Variants in HDAC8 observed in about 807,000 individuals in gnomAD.
The protein encoded by HDAC8 is histone deacetylase-like 1.
A neutral mutation model predicts 32.2 loss-of-function variants in HDAC8; 1 was observed. That is an observed-to-expected ratio of 0.03 (90% confidence interval 0.01 to 0.15). HDAC8 has a LOEUF of 0.15. HDAC8 is among the 10% of genes least tolerant of loss of function. The pLI is 1.00. For missense variants in HDAC8, 117 were observed against 300.0 expected (o/e 0.39, Z 4.51); for synonymous variants, 108 against 113.9 (o/e 0.95, Z 0.33).
intron 9 of HDAC8, among the ~76,000 whole-genome samples, chrX:72,393,471 T>C (rs1365796745): frequency 2.7e-5 from 3 of 112,226 alleles, no homozygotes; most frequent in African/African-American, 9.7e-5. Flanking sequence ...TCATTTTCTT[T>C]CATTCCACAT....
intron 9 of HDAC8, among the ~76,000 whole-genome samples, chrX:72,432,755 C>T (rs2046853404): frequency 9.0e-6 from 1 of 110,752 alleles, no homozygotes; most frequent in Non-Finnish European, 1.9e-5. Context: ...TTTTTTAGTG[C>T]ACCTTTCTTA....
At chrX:72,362,162 G>T (rs2147773588) in intron 9 of HDAC8, among the ~76,000 whole-genome samples, 1 of 111,291 alleles carries the variant, frequency 9.0e-6, no homozygotes, top group African/African-American at 3.3e-5. Flanking sequence ...GATGTGTTTG[G>T]GTCATGGGTG....
intron 9 of HDAC8, among the ~76,000 whole-genome samples, chrX:72,434,206 T>C (rs782214140): frequency 6.3e-5 from 7 of 111,928 alleles, no homozygotes; most frequent in African/African-American, 2.3e-4. Context: ...CCTGGGCAAG[T>C]TACTTTCTGA....
chrX:72,340,783 A>G (rs1417800880), intron 10 of HDAC8, among the ~76,000 whole-genome samples: 1 of 111,731 alleles, frequency 9.0e-6, no homozygotes, highest in Non-Finnish European at 1.9e-5. Context: ...CTCCTTCTGC[A>G]CACCCTGGTT....
rs1569316285 is a variant in HDAC8, at chrX:72,462,277, C to G, written c.911-179G>C. 3 of 418,661 alleles carry G rather than the reference C, an allele frequency of 7.2e-6. No homozygotes were observed. In the South Asian group the frequency reaches 1.1e-4, roughly 15 times the overall value. The allele number at this position is 418,661 out of a possible 1,213,427, so 34.5% of individuals were successfully genotyped here. ...CACCTAGTAGGCAGACTTTGGTGGACCAGTCAAATCATGCACAGTGTAAAA... is the reference window on the plus strand; with the variant it reads ...CACCTAGTAGGCAGACTTTGGTGGAGCAGTCAAATCATGCACAGTGTAAAA... On this transcript the variant is annotated intron_variant, in intron 8 of 10. Coordinates refer to ENST00000373573, the MANE Select transcript of HDAC8 (RefSeq NM_018486.3).
chrX:72,513,815 CA>C (rs1366098694), intron 4 of HDAC8, among the ~76,000 whole-genome samples: 1 of 111,201 alleles, frequency 9.0e-6, no homozygotes, highest in Non-Finnish European at 1.9e-5. Context: ...TGGTCAGTAC[CA>C]AAATCAGGAA....
chrX:72,487,425 A>G (rs1163673872), intron 7 of HDAC8, among the ~76,000 whole-genome samples: 1 of 111,621 alleles, frequency 9.0e-6, no homozygotes, highest in Non-Finnish European at 1.9e-5. Context: ...CCTCAAGTCT[A>G]CAGATAATAC....
At chrX:72,570,693 TA>T (rs1409373967) in intron 2 of HDAC8, among the ~76,000 whole-genome samples, 1 of 111,318 alleles carries the variant, frequency 9.0e-6, no homozygotes, top group Non-Finnish European at 1.9e-5. Context: ...GAAAGCCTAT[TA>T]TTACACTACC....
At chrX:72,436,097 C>G (rs1555979126) in intron 9 of HDAC8, among the ~76,000 whole-genome samples, 1 of 109,338 alleles carries the variant, frequency 9.1e-6, no homozygotes, top group Non-Finnish European at 1.9e-5. Context: ...AAGAAAAGAT[C>G]AAACATATTT....
chrX:72,518,340 C>G (rs1441873818), intron 4 of HDAC8, among the ~76,000 whole-genome samples: 2 of 111,416 alleles, frequency 1.8e-5, no homozygotes, highest in African/African-American at 6.5e-5. Context: ...ATTTGTCTTT[C>G]TAGACATTTC....
At chrX:72,556,750 T>C (rs2051294790) in intron 4 of HDAC8, among the ~76,000 whole-genome samples, 1 of 111,649 alleles carries the variant, frequency 9.0e-6, no homozygotes. Context: ...CCCAACTTTA[T>C]AAAACAATTA....
At chrX:72,532,556 C>T (rs1748006757) in intron 4 of HDAC8, among the ~76,000 whole-genome samples, 1 of 105,500 alleles carries the variant, frequency 9.5e-6, no homozygotes, top group Admixed American at 1.0e-4. Context: ...TCATAGCACG[C>T]TGTAACCTCA....
chrX:72,388,169 C>T (rs1200036571), intron 9 of HDAC8, among the ~76,000 whole-genome samples: 2 of 110,590 alleles, frequency 1.8e-5, no homozygotes, highest in Admixed American at 1.9e-4. Flanking sequence ...CTTGTGTTCT[C>T]CGCTAAGAAT....
intron 9 of HDAC8, among the ~76,000 whole-genome samples, chrX:72,432,557 T>A (rs2046848267): frequency 9.4e-6 from 1 of 106,570 alleles, no homozygotes; most frequent in Admixed American, 1.0e-4. Context: ...CTTTAGTTAT[T>A]TTTTTTTTTT....
chrX:72,511,798 C>T (rs979497025), intron 4 of HDAC8, among the ~76,000 whole-genome samples: 2 of 112,063 alleles, frequency 1.8e-5, no homozygotes, highest in African/African-American at 3.2e-5. Context: ...CCCTCTATAA[C>T]GTTTGACCAC....
intron 9 of HDAC8, among the ~76,000 whole-genome samples, chrX:72,399,456 G>A (rs977182575): frequency 3.6e-5 from 4 of 112,186 alleles, no homozygotes; most frequent in Non-Finnish European, 5.6e-5. Flanking sequence ...GGCTTTTCTT[G>A]CACTCCCATG....
chrX:72,521,748 A>C (rs782008792), intron 4 of HDAC8, among the ~76,000 whole-genome samples: 1 of 110,643 alleles, frequency 9.0e-6, no homozygotes, highest in African/African-American at 3.3e-5. Context: ...TTATTTCCTT[A>C]TTGTTCATTT....
intron 8 of HDAC8, among the ~76,000 whole-genome samples, chrX:72,462,933 A>T (rs1397057096): frequency 8.9e-6 from 1 of 112,117 alleles, no homozygotes; most frequent in Non-Finnish European, 1.9e-5. Context: ...ACAAAATGGT[A>T]TACTTTTAAA....
chrX:72,370,797 A>G (rs1382632744), intron 9 of HDAC8, among the ~76,000 whole-genome samples: 1 of 112,292 alleles, frequency 8.9e-6, no homozygotes, highest in East Asian at 2.8e-4. Flanking sequence ...CCAGCATGAG[A>G]GAAAGATGTA....
Sources: allele counts gnomAD v4.1 joint callset (sites outside exome capture counted in the v4.1 genomes callset), GRCh38; gene constraint gnomAD v4.1.1; transcripts MANE v1.5; gene names NCBI Gene and HGNC (gene_info 2026-07-23, HGNC 2026-07-21).